Variants in PPP3CA observed in about 807,000 individuals in gnomAD.
PPP3CA encodes the protein protein phosphatase 3 catalytic subunit alpha, also known as CAM-PRP catalytic subunit.
PPP3CA carries 14 observed loss-of-function variants against 66.5 expected under a neutral mutation model. The ratio of observed to expected loss-of-function variants is 0.21; its 90% CI spans 0.14 to 0.33. The LOEUF (loss-of-function observed/expected upper bound fraction) is 0.33, where lower values mean the gene tolerates loss of function less well. PPP3CA is among the 10% of genes least tolerant of loss of function. PPP3CA has a pLI of 1.00. For missense variants in PPP3CA, 317 were observed against 639.5 expected, an observed-to-expected ratio of 0.50 and a Z score of 5.44; for synonymous variants, 232 against 226.2, an observed-to-expected ratio of 1.03 and a Z score of -0.23.
At chr4:101,046,912 A>C (rs1295252216) in intron 10 of PPP3CA, among the ~76,000 whole-genome samples, 1 of 152,214 alleles carries the variant, frequency 6.6e-6, no homozygotes, top group Non-Finnish European at 1.5e-5. Flanking sequence ...TTGAAATAGA[A>C]GATATAATGC....
intron 1 of PPP3CA, among the ~76,000 whole-genome samples, chr4:101,294,816 A>G (rs897155032): frequency 3.3e-5 from 5 of 152,044 alleles, no homozygotes; most frequent in African/African-American, 1.2e-4. Context: ...GCGATGAAAA[A>G]TAACTACAGA....
intron 1 of PPP3CA, among the ~76,000 whole-genome samples, chr4:101,340,240 A>G (rs1729771263): frequency 6.6e-6 from 1 of 152,202 alleles, no homozygotes; most frequent in Non-Finnish European, 1.5e-5. Context: ...ACAGACAGGT[A>G]GACCATTTTT....
chr4:101,332,423 C>T (rs531719022), intron 1 of PPP3CA, among the ~76,000 whole-genome samples: 6 of 152,236 alleles, frequency 3.9e-5, no homozygotes, highest in South Asian at 2.1e-4. Context: ...GACAACCTTT[C>T]GAGAAAAACA....
At chr4:101,156,400 G>T (rs569898154) in intron 2 of PPP3CA, among the ~76,000 whole-genome samples, 12 of 152,168 alleles carry the variant, frequency 7.9e-5, no homozygotes, top group African/African-American at 1.2e-4. Context: ...CATATTCCAG[G>T]CCAGGCAAAG....
chr4:101,250,216 G>A (rs1345467031), intron 1 of PPP3CA: 2 of 299,782 alleles, frequency 6.7e-6, no homozygotes, highest in Non-Finnish European at 1.3e-5. Context: ...AAGCACCTAG[G>A]TCAAGGTCTG....
chr4:101,168,689 T>C (rs1723772316), intron 2 of PPP3CA, among the ~76,000 whole-genome samples: 1 of 152,130 alleles, frequency 6.6e-6, no homozygotes, highest in South Asian at 2.1e-4. Context: ...GGAGGTCCAA[T>C]GAAAGAAAGA....
intron 1 of PPP3CA, among the ~76,000 whole-genome samples, chr4:101,240,039 T>TGGG (rs1252595684): frequency 1.4e-5 from 1 of 70,128 alleles, no homozygotes; most frequent in African/African-American, 3.7e-5. Flanking sequence ...GGTTTTTTTT[T>TGGG]GGGGGGAGCG....
intron 1 of PPP3CA, among the ~76,000 whole-genome samples, chr4:101,232,372 C>T (rs1018482660): frequency 6.6e-6 from 1 of 151,532 alleles, no homozygotes; most frequent in Non-Finnish European, 1.5e-5. Context: ...TATAGTCTGT[C>T]AGGAGTTAAA....
At chr4:101,255,719 G>A (rs1159191154) in intron 1 of PPP3CA, among the ~76,000 whole-genome samples, 2 of 151,878 alleles carry the variant, frequency 1.3e-5, no homozygotes, top group East Asian at 3.8e-4. Flanking sequence ...AATTGAAGAT[G>A]TATTTATTGC....
chr4:101,084,166 T>C (rs946603708), intron 6 of PPP3CA, among the ~76,000 whole-genome samples: 3 of 152,182 alleles, frequency 2.0e-5, no homozygotes, highest in African/African-American at 7.2e-5. Flanking sequence ...AAACTGCAAA[T>C]ATTCACTAGA....
intron 1 of PPP3CA, among the ~76,000 whole-genome samples, chr4:101,262,610 A>T (rs1253067533): frequency 1.3e-5 from 2 of 152,140 alleles, no homozygotes; most frequent in African/African-American, 4.8e-5. Context: ...AGAGGCAGGT[A>T]AGTAAGGTGC....
chr4:101,047,640 TAGAC>T (rs1229713549), intron 10 of PPP3CA, among the ~76,000 whole-genome samples: 1 of 152,098 alleles, frequency 6.6e-6, no homozygotes, highest in Non-Finnish European at 1.5e-5. Flanking sequence ...TGTTTTAAAT[TAGAC>T]AGGATCTCTC....
chr4:101,346,798 T>C lies in PPP3CA; in HGVS notation c.-2A>G, dbSNP rs1424651458. On this transcript the variant is annotated 5_prime_UTR_variant, in exon 1 of 14. Transcript: ENST00000394854. ...ATCAATTGCCTTGGGCTCGGACATCTCCAGCTGCCGGAGGACAGCGACGCG... is the reference window on the plus strand; with the variant it reads ...ATCAATTGCCTTGGGCTCGGACATCCCCAGCTGCCGGAGGACAGCGACGCG... 1 of 1,610,514 alleles carries C rather than the reference T, an allele frequency of 6.2e-7. No individual in the cohort carries two copies. The highest frequency in any genetic ancestry group is 1.7e-5 in the Admixed American group (1 of 59,778).
intron 1 of PPP3CA, among the ~76,000 whole-genome samples, chr4:101,345,578 T>C (rs1578207873): frequency 6.6e-6 from 1 of 152,152 alleles, no homozygotes; most frequent in Non-Finnish European, 1.5e-5. Flanking sequence ...CCCCCAGGAA[T>C]GTGAGATACT....
intron 10 of PPP3CA, among the ~76,000 whole-genome samples, chr4:101,056,354 C>A (rs1252120142): frequency 3.3e-5 from 5 of 152,040 alleles, no homozygotes. Context: ...TGATCCCTAA[C>A]ACGTAAGTGT....
intron 1 of PPP3CA, among the ~76,000 whole-genome samples, chr4:101,255,794 C>T (rs1366907857): frequency 6.6e-6 from 1 of 151,852 alleles, no homozygotes; most frequent in African/African-American, 2.4e-5. Flanking sequence ...CAAAAGTGTA[C>T]TAAAATATAA....
chr4:101,076,845 T>C (rs1342549858), intron 8 of PPP3CA, among the ~76,000 whole-genome samples: 2 of 152,264 alleles, frequency 1.3e-5, no homozygotes, highest in East Asian at 1.9e-4. Flanking sequence ...GATAATGTCT[T>C]AATACTGCAC....
intron 1 of PPP3CA, among the ~76,000 whole-genome samples, chr4:101,287,127 TTAAA>T (rs1727869362): frequency 6.6e-6 from 1 of 152,110 alleles, no homozygotes; most frequent in Non-Finnish European, 1.5e-5. Context: ...TGTTTAAAAA[TTAAA>T]TAACAAGGTC....
intron 5 of PPP3CA, among the ~76,000 whole-genome samples, chr4:101,094,771 TCA>T (rs1173551579): frequency 6.6e-6 from 1 of 152,160 alleles, no homozygotes; most frequent in Non-Finnish European, 1.5e-5. Flanking sequence ...AAATAACATA[TCA>T]CGATCAATTT....
Sources: gnomAD v4.1 joint callset for allele counts (sites outside exome capture counted in the v4.1 genomes callset) on GRCh38, gnomAD v4.1.1 for gene constraint, MANE v1.5 for transcripts, NCBI Gene and HGNC (gene_info 2026-07-23, HGNC 2026-07-21) for gene names.